Variants in SLC28A3 observed in about 807,000 individuals in gnomAD.
The protein encoded by SLC28A3 is solute carrier family 28 member 3.
A neutral mutation model predicts 84.2 loss-of-function variants in SLC28A3; 68 were observed. That is an observed-to-expected ratio of 0.81 (90% confidence interval 0.66 to 0.99). The LOEUF (loss-of-function observed/expected upper bound fraction) is 0.99, where lower values mean the gene tolerates loss of function less well. Ranked by LOEUF, SLC28A3 falls within the 50% of genes least tolerant of loss-of-function variation. SLC28A3 has a pLI of 0.00. For missense variants in SLC28A3, 712 were observed against 841.5 expected, an observed-to-expected ratio of 0.85 and a Z score of 1.90; for synonymous variants, 267 against 303.6, an observed-to-expected ratio of 0.88 and a Z score of 1.25.
chr9:84,367,793 T>C, the SLC28A3 span, among the ~76,000 whole-genome samples: 4 of 152,170 alleles, frequency 2.6e-5, no homozygotes, highest in Non-Finnish European at 5.9e-5. Context: ...ATGTTTCTCT[T>C]TACCCAAACA....
At chr9:84,288,438 G>T (rs1400365638) in intron 11 of SLC28A3, among the ~76,000 whole-genome samples, 1 of 152,162 alleles carries the variant, frequency 6.6e-6, no homozygotes. Flanking sequence ...ACCAAAATCT[G>T]ATCGTTTCAG....
chr9:84,307,956 T>C (rs779212437), intron 3 of SLC28A3, among the ~76,000 whole-genome samples: 9 of 152,232 alleles, frequency 5.9e-5, no homozygotes, highest in Non-Finnish European at 1.2e-4. Context: ...AATTTCTCAG[T>C]ACCTCCGGGT....
intron 2 of SLC28A3, among the ~76,000 whole-genome samples, chr9:84,311,278 T>A (rs577993337): frequency 5.9e-5 from 9 of 152,340 alleles, no homozygotes; most frequent in Admixed American, 4.6e-4. Flanking sequence ...AAAAATATTT[T>A]AAAAATATTT....
intron 13 of SLC28A3, 67 bp downstream of exon 13, chr9:84,285,876 C>A (rs1001905500): frequency 1.4e-5 from 22 of 1,521,002 alleles, no homozygotes; most frequent in Non-Finnish European, 1.8e-5. Flanking sequence ...TGTTTACAAA[C>A]CTATTTTATT....
chr9:84,362,282 A>T, the SLC28A3 span, among the ~76,000 whole-genome samples: 4 of 152,216 alleles, frequency 2.6e-5, no homozygotes, highest in East Asian at 5.8e-4. Flanking sequence ...TACTGGACAC[A>T]CAAGTGGAGA....
At chr9:84,314,261 G>A (rs1320741131) in intron 1 of SLC28A3, among the ~76,000 whole-genome samples, 1 of 152,060 alleles carries the variant, frequency 6.6e-6, no homozygotes, top group Admixed American at 6.6e-5. Flanking sequence ...GGAACTGAAC[G>A]AGATTTGCTC....
the SLC28A3 span, among the ~76,000 whole-genome samples, chr9:84,365,145 A>T: frequency 6.6e-6 from 1 of 152,192 alleles, no homozygotes. Context: ...CCAACAGTGT[A>T]CAAGAGTTCC....
chr9:84,284,995 C>T (rs1837571675), intron 14 of SLC28A3, among the ~76,000 whole-genome samples: 1 of 152,160 alleles, frequency 6.6e-6, no homozygotes, highest in South Asian at 2.1e-4. Context: ...TTGCTATGGC[C>T]TCAGTACTCA....
chr9:84,340,667 G>A lies in SLC28A3; in HGVS notation c.-34C>T, dbSNP rs1483710715. ...TGCTGCTGGCTGGCTCTGGTCTGGA[G>A]GTCCTTTGTACCTGGGAAAAAGCAC... On this transcript the variant is annotated 5_prime_UTR_variant, in exon 1 of 18. Coordinates refer to ENST00000376238, the MANE Select transcript of SLC28A3 (RefSeq NM_001199633.2). 1 of 1,613,700 alleles carries A rather than the reference G, an allele frequency of 6.2e-7. No individual in the cohort carries two copies. The highest frequency in any genetic ancestry group is 8.5e-7 in the Non-Finnish European group (1 of 1,179,838).
chr9:84,367,448 G>A, the SLC28A3 span, among the ~76,000 whole-genome samples: 4 of 152,306 alleles, frequency 2.6e-5, no homozygotes, highest in Admixed American at 2.6e-4. Flanking sequence ...CTTGATTGAA[G>A]GGGTCCTGCC....
the SLC28A3 span, among the ~76,000 whole-genome samples, chr9:84,355,582 C>A: frequency 6.6e-6 from 1 of 151,150 alleles, no homozygotes; most frequent in African/African-American, 2.4e-5. Flanking sequence ...ATTTTGATTT[C>A]TTTTTTTTTG....
intron 11 of SLC28A3, among the ~76,000 whole-genome samples, chr9:84,289,703 A>G (rs763620210): frequency 6.6e-6 from 1 of 152,262 alleles, no homozygotes; most frequent in Non-Finnish European, 1.5e-5. Flanking sequence ...TTTGTGGATC[A>G]CAACGACTCA....
the SLC28A3 span, among the ~76,000 whole-genome samples, chr9:84,364,378 G>C: frequency 2.6e-5 from 4 of 152,072 alleles, no homozygotes; most frequent in Non-Finnish European, 5.9e-5. Flanking sequence ...TTACAGGCAT[G>C]AGTCACCACG....
rs369525796 is a variant in SLC28A3, at chr9:84,285,931, A to G, written c.1449+12T>C. On this transcript the variant is annotated intron_variant, in intron 13 of 17. Coordinates refer to ENST00000376238, the MANE Select transcript of SLC28A3 (RefSeq NM_001199633.2). ...AAACAAAACAGAGGGCAGGGGCGTGATGTGATTATACCTCAAAACTCAGCT... is the reference window on the plus strand; with the variant it reads ...AAACAAAACAGAGGGCAGGGGCGTGGTGTGATTATACCTCAAAACTCAGCT... The G allele has an allele frequency of 5.0e-6, 8 of 1,609,340 alleles. No homozygotes were observed. Among genetic ancestry groups the G allele is most frequent in the Non-Finnish European group, 6.8e-6 (8 of 1,176,876 alleles).
chr9:84,288,399 T>C (rs1825083218), intron 11 of SLC28A3, among the ~76,000 whole-genome samples: 1 of 152,182 alleles, frequency 6.6e-6, no homozygotes, highest in African/African-American at 2.4e-5. Context: ...TTTGTGCTAA[T>C]TGACCACATC....
At chr9:84,292,467 CTCTCTCTG>C (rs1554724334) in intron 10 of SLC28A3, 193 bp downstream of exon 10, 6 of 392,862 alleles carry the variant, frequency 1.5e-5, no homozygotes, top group East Asian at 4.3e-5. Flanking sequence ...CTCTCTGTCT[CTCTCTCTG>C]TCTCTCTCTC....
chr9:84,305,052 T>C (rs572754618), intron 4 of SLC28A3, among the ~76,000 whole-genome samples: 42 of 152,162 alleles, frequency 2.8e-4, no homozygotes, highest in South Asian at 1.5e-3. Context: ...TCTGGCCTCA[T>C]AAACGGGGTA....
At chr9:84,333,208 T>C (rs975991480) in intron 1 of SLC28A3, among the ~76,000 whole-genome samples, 1 of 152,174 alleles carries the variant, frequency 6.6e-6, no homozygotes, top group Admixed American at 6.5e-5. Context: ...AGGGGAACAA[T>C]CAGATATGCA....
chr9:84,290,956 A>G (rs1317408669), intron 10 of SLC28A3, among the ~76,000 whole-genome samples: 1 of 152,182 alleles, frequency 6.6e-6, no homozygotes, highest in Non-Finnish European at 1.5e-5. Flanking sequence ...AAGCAGACAG[A>G]GTGTAGTTGT....
Sources: gnomAD v4.1 joint callset for allele counts (sites outside exome capture counted in the v4.1 genomes callset) on GRCh38, gnomAD v4.1.1 for gene constraint, MANE v1.5 for transcripts, NCBI Gene and HGNC (gene_info 2026-07-23, HGNC 2026-07-21) for gene names.